The following LYN variants were observed in gnomAD, a reference collection of about 807,000 sequenced individuals.
LYN encodes LYN proto-oncogene, Src family tyrosine kinase, also known as tyrosine-protein kinase Lyn.
A neutral mutation model predicts 65.0 loss-of-function variants in LYN; 12 were observed. That is an observed-to-expected ratio of 0.18 (90% CI 0.12 to 0.30). The LOEUF is 0.30. Ranked by LOEUF, LYN falls within the 10% of genes least tolerant of loss-of-function variation. The pLI, the probability that LYN is intolerant of heterozygous loss-of-function variation, is 1.00. For synonymous variants in LYN, 222 were observed against 221.2 expected (o/e 1.00, Z -0.03); for missense variants, 380 against 623.2 (o/e 0.61, Z 4.16).
intron 1 of LYN, among the ~76,000 whole-genome samples, chr8:55,918,062 A>G (rs780589102): frequency 1.3e-5 from 2 of 152,224 alleles, no homozygotes; most frequent in Admixed American, 6.5e-5. Flanking sequence ...CTGCACTGAG[A>G]AGGAACCAGG....
chr8:55,981,039 TC>T (rs929996706), intron 10 of LYN, among the ~76,000 whole-genome samples: 3 of 152,030 alleles, frequency 2.0e-5, no homozygotes, highest in African/African-American at 7.2e-5. Flanking sequence ...GTTCAGTGGG[TC>T]CCCACCACAC....
chr8:55,999,356 G>A, intron 11 of LYN, 62 bp from the exon 12 acceptor site: 8 of 1,464,438 alleles, frequency 5.5e-6, no homozygotes, highest in Admixed American at 3.7e-5. Flanking sequence ...GGGGTCACAT[G>A]TTCATGACTT....
chr8:55,920,254 C>T (rs1004255285), intron 1 of LYN, among the ~76,000 whole-genome samples: 3 of 152,092 alleles, frequency 2.0e-5, no homozygotes, highest in East Asian at 3.8e-4. Flanking sequence ...GACTTGGGGA[C>T]GCATCAGACA....
At position 56,013,018 on chromosome 8, in the gene LYN, A is replaced by G. The variant is rs1808858166; in HGVS notation, c.*2908A>G. On this transcript the variant is annotated 3_prime_UTR_variant, in exon 13 of 13. Transcript: ENST00000519728. ...CTCCAGGCATACCTCCTGAGGTTCC[A>G]CAGAATCCCCTTGCAGAAAGTACTT... 1.3e-5 allele frequency: 2 copies of G among 152,210 alleles called. No homozygotes were observed. Among genetic ancestry groups the G allele is most frequent in the African/African-American group, 2.4e-5 (1 of 41,428 alleles). The allele number at this position is 152,210 out of a possible 1,614,324, so 9.4% of individuals were successfully genotyped here. A position where few individuals can be genotyped will look rare whatever the true frequency, so the allele number is the denominator to read the frequency against.
In LYN at chr8:55,952,090, C is replaced by T. The variant is rs542049404; in HGVS notation, c.612C>T (p.Ile204=). The change falls in exon 7 of 13, where the codon ATC becomes ATT. Residue 204 remains isoleucine (I), a synonymous_variant. Transcript: ENST00000519728. ...CTCCACGAATCACTTTTCCCTGTATCAGCGACATGATTAAACATTACCAAA... is the reference window on the plus strand; with the variant it reads ...CTCCACGAATCACTTTTCCCTGTATTAGCGACATGATTAAACATTACCAAA... The part of the protein sequence containing the change: ...YISPRITFPC[I]SDMIKHYQKQ... 4 of 1,596,494 alleles carry T rather than the reference C, an allele frequency of 2.5e-6. No homozygotes were observed. Among genetic ancestry groups the T allele is most frequent in the South Asian group, 2.3e-5 (2 of 87,362 alleles).
chr8:55,897,913 A>AAAC (rs566010402), intron 1 of LYN, among the ~76,000 whole-genome samples: 6 of 152,180 alleles, frequency 3.9e-5, no homozygotes, highest in African/African-American at 7.2e-5. Context: ...CCTGTCTCAC[A>AAAC]AACAACAACA....
intron 12 of LYN, among the ~76,000 whole-genome samples, chr8:56,002,906 G>C (rs1375847993): frequency 6.6e-6 from 1 of 152,062 alleles, no homozygotes; most frequent in African/African-American, 2.4e-5. Context: ...CACATGAGAA[G>C]ACTTGATTCA....
chr8:55,888,824 C>T (rs931987600), intron 1 of LYN, among the ~76,000 whole-genome samples: 3 of 152,048 alleles, frequency 2.0e-5, no homozygotes, highest in African/African-American at 7.2e-5. Flanking sequence ...GGGATTTGGC[C>T]ACCACGCCTG....
At chr8:55,970,119 G>A (rs951289047) in intron 10 of LYN, among the ~76,000 whole-genome samples, 1 of 152,206 alleles carries the variant, frequency 6.6e-6, no homozygotes, top group Non-Finnish European at 1.5e-5. Context: ...TCCATGCTAT[G>A]TAAGCACAGC....
intron 1 of LYN, among the ~76,000 whole-genome samples, chr8:55,915,801 G>A (rs562298197): frequency 1.3e-4 from 20 of 152,050 alleles, no homozygotes; most frequent in African/African-American, 4.8e-4. Context: ...GAAAGAGAAG[G>A]AAAGAGAGAG....
In LYN at chr8:55,949,300, T is replaced by C. The variant is rs1322196567; in HGVS notation, c.285-1159T>C. ...CCTGGGGCAAGTTACAAACCTTTTG[T>C]TTCTGTGAGATGGGAGCCATTTGTA... On this transcript the variant is annotated intron_variant, in intron 4 of 12. Coordinates refer to ENST00000519728, the MANE Select transcript of LYN (RefSeq NM_002350.4). Among the ~76,000 whole-genome samples the C allele has an allele frequency of 2.0e-5, 3 of 152,250 alleles. No homozygotes were observed. In the East Asian group the frequency reaches 5.8e-4, roughly 29 times the overall value.
At chr8:55,929,778 G>A (rs570458653) in intron 1 of LYN, among the ~76,000 whole-genome samples, 68 of 152,316 alleles carry the variant, frequency 4.5e-4, no homozygotes, top group African/African-American at 1.5e-3. Context: ...GGCTTGAAAT[G>A]TCAGTAGTGC....
intron 10 of LYN, among the ~76,000 whole-genome samples, chr8:55,995,138 C>T (rs1245401239): frequency 6.6e-6 from 1 of 152,116 alleles, no homozygotes; most frequent in Non-Finnish European, 1.5e-5. Context: ...AGTGCCCACT[C>T]TAGAAGGAGC....
intron 12 of LYN, among the ~76,000 whole-genome samples, chr8:56,008,343 G>A (rs1422434916): frequency 6.6e-6 from 1 of 152,052 alleles, no homozygotes; most frequent in Non-Finnish European, 1.5e-5. Flanking sequence ...GACCAGTGAT[G>A]GTATAATCTA....
intron 1 of LYN, among the ~76,000 whole-genome samples, chr8:55,884,192 T>G (rs1804724417): frequency 6.6e-6 from 1 of 152,124 alleles, no homozygotes; most frequent in Non-Finnish European, 1.5e-5. Flanking sequence ...CTCCGCCTCC[T>G]GGGTTCAAGC....
chr8:55,965,493 T>TAA (rs955113670), intron 8 of LYN, among the ~76,000 whole-genome samples: 8 of 152,238 alleles, frequency 5.3e-5, no homozygotes, highest in African/African-American at 1.9e-4. Flanking sequence ...TATTGTACTT[T>TAA]AAAGTTAGTA....
chr8:55,883,668 C>T (rs1804707932), intron 1 of LYN, among the ~76,000 whole-genome samples: 1 of 152,202 alleles, frequency 6.6e-6, no homozygotes, highest in Non-Finnish European at 1.5e-5. Context: ...GTTGTTTTAT[C>T]AGTGAGAGCA....
chr8:55,951,675 A>AG (rs1229651232), intron 6 of LYN, among the ~76,000 whole-genome samples: 7 of 152,098 alleles, frequency 4.6e-5, no homozygotes, highest in South Asian at 2.1e-4. Flanking sequence ...AAAAAAAAAA[A>AG]AAAGAAAATC....
rs1004080531 is a variant in LYN at position 55,926,076 on chromosome 8, A to G, written c.-5-15779A>G. 3.3e-5 allele frequency among the ~76,000 whole-genome samples: 5 copies of G among 152,340 alleles called. No individual in the cohort carries two copies. In the East Asian group the frequency reaches 9.6e-4, roughly 29 times the overall value. On this transcript the variant is annotated intron_variant, in intron 1 of 12. Transcript: ENST00000519728. The stretch of plus-strand genomic sequence containing the variant: ...TTTTAGCCATCCTTAAGAAATCTTT[A>G]TCACTTTCAAGGTGATTCTTGCACA...
Sources: gnomAD v4.1 joint callset for allele counts (sites outside exome capture counted in the v4.1 genomes callset) on GRCh38, gnomAD v4.1.1 for gene constraint, MANE v1.5 for transcripts, NCBI Gene and HGNC (gene_info 2026-07-23, HGNC 2026-07-21) for gene names.